SIMC1: variants seen among roughly 807,000 people sequenced by gnomAD.
SIMC1 encodes the protein SUMO-interacting motif-containing protein 1.
In SIMC1, 55 loss-of-function variants were observed where a neutral mutation model predicts 82.3. The observed-to-expected ratio is 0.67, with a 90% CI of 0.54 to 0.84. The LOEUF is 0.84. Among genes scored for constraint, SIMC1 ranks in the 40% least tolerant of loss-of-function variants. SIMC1 has a pLI of 0.00. For synonymous variants in SIMC1, 353 were observed against 426.3 expected (o/e 0.83, Z 2.12); for missense variants, 915 against 1,107.2 (o/e 0.83, Z 2.46).
chr5:176,316,664 G>C (rs1318248581), intron 5 of SIMC1, among the ~76,000 whole-genome samples: 4 of 151,388 alleles, frequency 2.6e-5, no homozygotes, highest in Non-Finnish European at 5.9e-5. Context: ...ACTCCAGCCT[G>C]GGCAACAAGA....
rs1581222138 is a variant in SIMC1 at position 176,256,982 on chromosome 5, C to T, written c.129+18345C>T. Among the ~76,000 whole-genome samples, 5 of 152,310 alleles carry T rather than the reference C, an allele frequency of 3.3e-5. No homozygotes were observed. The Middle Eastern group carries it at 0.01, about 311-fold the overall frequency. On this transcript the variant is annotated intron_variant, in intron 1 of 9. Transcript: ENST00000429602. ...ATGTTGCCCACACTGGTCTTGAACT[C>T]CTTGCCTCAAGTGGTCCTACCACAT...
intron 1 of SIMC1, among the ~76,000 whole-genome samples, chr5:176,252,652 C>T (rs2113124669): frequency 6.6e-6 from 1 of 150,494 alleles, no homozygotes; most frequent in East Asian, 2.0e-4. Context: ...CCTCACTTTC[C>T]AGACTGGGCA....
At chr5:176,304,421 G>A (rs6883476) in intron 4 of SIMC1, 101,070 of 174,492 alleles carry the variant, frequency 0.58, 29,689 homozygotes, top group Middle Eastern at 0.62. Context: ...GCCCCTAACC[G>A]CGAGTGATCT....
Position 176,345,413 on chromosome 5 carries a change from G to A in SIMC1, c.2644G>A (p.Glu882Lys), listed in dbSNP as rs757533653. The change falls in exon 10 of 10, where the codon GAG (glutamate) becomes AAG (lysine). Residue 882 changes from glutamate (E) to lysine (K), a missense_variant. Around this residue, in one of 2 missense-constraint regions of SIMC1, gnomAD observed 902 missense variants for 1,040.3 expected, o/e 0.87. Transcript: ENST00000429602. ...TGCTGCGGACTTGAACCCTGATGCA[G>A]AGCCCTTTCAAAAGGGCTGGAGCGG... ...FYAADLNPDA[E>K]PFQKGWSGS 6.2e-7 allele frequency: 1 copy of A among 1,613,880 alleles called. No individual in the cohort carries two copies. The highest frequency in any genetic ancestry group is 1.1e-5 in the South Asian group (1 of 91,070).
chr5:176,281,940 G>A (rs1439114403), intron 1 of SIMC1, among the ~76,000 whole-genome samples: 1 of 152,226 alleles, frequency 6.6e-6, no homozygotes, highest in Non-Finnish European at 1.5e-5. Context: ...CGTGCTGGGA[G>A]AACCACTGCT....
At chr5:176,336,314 C>T (rs1765890435) in intron 7 of SIMC1, among the ~76,000 whole-genome samples, 1 of 152,082 alleles carries the variant, frequency 6.6e-6, no homozygotes, top group South Asian at 2.1e-4. Flanking sequence ...TTTTAAAGTT[C>T]CTTTTGCATA....
chr5:176,244,706 CT>C (rs1246145883), intron 1 of SIMC1, among the ~76,000 whole-genome samples: 169 of 119,066 alleles, frequency 1.4e-3, no homozygotes, highest in African/African-American at 4.3e-3. Context: ...TATAATGTTT[CT>C]TTTTTTTTTT....
chr5:176,281,736 A>T (rs897707618), intron 1 of SIMC1, among the ~76,000 whole-genome samples: 1 of 152,154 alleles, frequency 6.6e-6, no homozygotes, highest in African/African-American at 2.4e-5. Flanking sequence ...TTGTCTCCAG[A>T]ACAGTGGTTT....
chr5:176,335,343 CT>C (rs1349684718), intron 7 of SIMC1, among the ~76,000 whole-genome samples: 1 of 133,020 alleles, frequency 7.5e-6, no homozygotes, highest in Non-Finnish European at 1.5e-5. Flanking sequence ...GTGGTGCAGT[CT>C]TGGCTCACTG....
intron 7 of SIMC1, among the ~76,000 whole-genome samples, chr5:176,331,242 CCCCTG>C (rs1176247219): frequency 1.3e-5 from 2 of 151,864 alleles, no homozygotes; most frequent in Non-Finnish European, 2.9e-5. Context: ...TGGTGGCAGG[CCCCTG>C]TAGTCCCAGC....
intron 9 of SIMC1, among the ~76,000 whole-genome samples, chr5:176,341,356 G>A (rs113985850): frequency 6.6e-6 from 1 of 152,362 alleles, no homozygotes; most frequent in East Asian, 1.9e-4. Flanking sequence ...AGTCCATGGA[G>A]GAGGTTGTGA....
rs144372451 is a variant in SIMC1, at chr5:176,309,414, T to C, written c.1735-4277T>C. Among the ~76,000 whole-genome samples, 126 of 152,296 alleles carry C rather than the reference T, an allele frequency of 8.3e-4. 1 individual carries two copies. The highest frequency in any genetic ancestry group is 4.8e-3 in the South Asian group (23 of 4,830). ...GACTTAAATGCAATACATAAAACTA[T>C]ACAACTTTGAAAAAAGCCACAGGAG... On this transcript the variant is annotated intron_variant, in intron 4 of 9. Transcript: ENST00000429602.
rs188636227 is a variant in SIMC1 at position 176,301,212 on chromosome 5, G to A, written c.1734+4892G>A. 5.0e-3 allele frequency among the ~76,000 whole-genome samples: 766 copies of A among 152,198 alleles called. 11 individuals carry two copies. Among genetic ancestry groups the A allele is most frequent in the African/African-American group, 0.017 (704 of 41,512 alleles). ...CCTGGTGGGAGGTAATTGAATCATTGGGGCGGGTTTTCCTGTGCTGTTCTC... is the reference window on the plus strand; with the variant it reads ...CCTGGTGGGAGGTAATTGAATCATTAGGGCGGGTTTTCCTGTGCTGTTCTC... On this transcript the variant is annotated intron_variant, in intron 4 of 9. Coordinates refer to ENST00000429602, the MANE Select transcript of SIMC1 (RefSeq NM_001308195.2).
At chr5:176,341,823 A>C (rs972988160) in intron 9 of SIMC1, among the ~76,000 whole-genome samples, 2 of 152,206 alleles carry the variant, frequency 1.3e-5, no homozygotes, top group African/African-American at 2.4e-5. Context: ...TACTAACAAT[A>C]CTATCAGCTG....
At chr5:176,259,987 A>G (rs1208760770) in intron 1 of SIMC1, among the ~76,000 whole-genome samples, 1 of 149,276 alleles carries the variant, frequency 6.7e-6, no homozygotes, top group Admixed American at 6.7e-5. Context: ...GCATTAAAAT[A>G]AAAACTAAAA....
chr5:176,303,677 G>A (rs1480270172), intron 4 of SIMC1, among the ~76,000 whole-genome samples: 1 of 152,122 alleles, frequency 6.6e-6, no homozygotes, highest in Non-Finnish European at 1.5e-5. Flanking sequence ...CTTCTTGACT[G>A]TAAAATATAA....
chr5:176,275,305 T>C (rs1463174501), intron 1 of SIMC1, among the ~76,000 whole-genome samples: 1 of 151,936 alleles, frequency 6.6e-6, no homozygotes, highest in Admixed American at 6.6e-5. Flanking sequence ...ATGCTTGTAA[T>C]TTTTGTACAT....
intron 2 of SIMC1, among the ~76,000 whole-genome samples, chr5:176,293,210 G>A (rs1034379318): frequency 2.0e-4 from 31 of 152,104 alleles, no homozygotes; most frequent in African/African-American, 6.5e-4. Context: ...GGCCGTGGTC[G>A]GTGGATTGCT....
chr5:176,296,202 T>C, intron 3 of SIMC1, 49 bp from the exon 4 acceptor site: 2 of 1,597,998 alleles, frequency 1.3e-6, no homozygotes, highest in Admixed American at 1.7e-5. Flanking sequence ...TCCTATCCCT[T>C]CTTCCGCTAA....
Sources: allele counts gnomAD v4.1 joint callset (sites outside exome capture counted in the v4.1 genomes callset), GRCh38; gene constraint gnomAD v4.1.1; regional missense constraint gnomAD v4.1.1; transcripts MANE v1.5; gene names NCBI Gene and HGNC (gene_info 2026-07-23, HGNC 2026-07-21).